The following ACAD9 variants were observed in gnomAD, a reference collection of about 807,000 sequenced individuals.
ACAD9 encodes the protein acyl-CoA dehydrogenase family member 9, also known as complex I assembly factor ACAD9, mitochondrial.
In ACAD9, 53 loss-of-function variants were observed where a neutral mutation model predicts 70.2. That is an observed-to-expected ratio of 0.75 (90% CI 0.61 to 0.95). ACAD9 has a LOEUF of 0.95. ACAD9 is among the 40% of genes least tolerant of loss of function. ACAD9 has a pLI of 0.00. For missense variants in ACAD9, 777 were observed against 802.8 expected, an observed-to-expected ratio of 0.97 and a Z score of 0.39; for synonymous variants, 313 against 312.1, an observed-to-expected ratio of 1.00 and a Z score of -0.03.
chr3:128,911,276 T>TC (rs1280020179), intron 17 of ACAD9, among the ~76,000 whole-genome samples: 1 of 152,184 alleles, frequency 6.6e-6, no homozygotes, highest in African/African-American at 2.4e-5. Context: ...CAGGCTGGTC[T>TC]CCAACTCCTG....
At chr3:128,896,579 T>C in intron 5 of ACAD9, 43 bp downstream of exon 5, 1 of 1,599,566 alleles carries the variant, frequency 6.3e-7, no homozygotes, top group South Asian at 1.1e-5. Flanking sequence ...AGCTGTGATG[T>C]TGCCCAAGAT....
chr3:128,879,925 A>AT (rs1559816041), intron 1 of ACAD9, 84 bp downstream of exon 1: 1 of 1,605,894 alleles, frequency 6.2e-7, no homozygotes, highest in Admixed American at 1.7e-5. Context: ...ACTTTGTGAG[A>AT]TTCCCCAAAC....
At position 128,901,360 on chromosome 3, in the gene ACAD9, A is replaced by C. The variant is rs755634584; in HGVS notation, c.882+11A>C. 1 of 1,614,096 alleles carries C rather than the reference A, an allele frequency of 6.2e-7. No individual in the cohort carries two copies. The highest frequency in any genetic ancestry group is 8.5e-7 in the Non-Finnish European group (1 of 1,179,916). On this transcript the variant is annotated intron_variant, in intron 8 of 17. Transcript: ENST00000308982. ...GGAGATGGGTTTAAGGTGAGTTGCC[A>C]GCCACAGCCCCTTGTACCAGGTAGT...
intron 15 of ACAD9, 162 bp downstream of exon 15, chr3:128,909,583 T>C: frequency 5.3e-6 from 4 of 761,846 alleles, no homozygotes; most frequent in Non-Finnish European, 8.8e-6. Flanking sequence ...TTTGTCAGCC[T>C]GGGGCCCACT....
intron 1 of ACAD9, among the ~76,000 whole-genome samples, chr3:128,883,069 GCTTGTTTTTTTTTTTTTTT>G (rs903871338): frequency 2.2e-5 from 3 of 137,958 alleles, no homozygotes; most frequent in African/African-American, 3.0e-5. Context: ...GGAGCCATCA[GCTTGTTTTTTTTTTTTTTT>G]CTTGTTTTTT....
rs1935443772 is a variant in ACAD9 at position 128,892,303 on chromosome 3, G to A, written c.245-1252G>A. Among the ~76,000 whole-genome samples, 10 of 152,280 alleles carry A rather than the reference G, an allele frequency of 6.6e-5. No homozygotes were observed. The South Asian group carries it at 2.1e-3, about 32-fold the overall frequency. On this transcript the variant is annotated intron_variant, in intron 2 of 17. Transcript: ENST00000308982. ...ATGTATGTCAATAAAGTTGTTAAAG[G>A]ATAAAAAATGAAGGGTTTGGCCTGC...
intron 17 of ACAD9, among the ~76,000 whole-genome samples, chr3:128,911,919 C>T (rs369842382): frequency 2.6e-5 from 4 of 152,228 alleles, no homozygotes; most frequent in African/African-American, 9.6e-5. Context: ...GGGCTTTGCT[C>T]GTGCTCCCCG....
chr3:128,900,710 TG>T (rs1314031547), intron 7 of ACAD9, among the ~76,000 whole-genome samples: 1 of 152,130 alleles, frequency 6.6e-6, no homozygotes, highest in Non-Finnish European at 1.5e-5. Flanking sequence ...GTCAGCTCTT[TG>T]TATTGGCCAC....
In ACAD9 at chr3:128,904,091, A is replaced by C. The variant is rs79530903; in HGVS notation, c.988A>C (p.Lys330Gln). 1,735 of 1,614,238 alleles carry C rather than the reference A, an allele frequency of 1.1e-3. 26 individuals are homozygous for C. In the East Asian group the frequency reaches 0.028, roughly 26 times the overall value. ...EMTAEYACTR[K>Q]QFNKRLSEFG... ...GACTGCTGAGTACGCCTGCACAAGG[A>C]AACAGTTTAACAAGAGGCTCAGTGA... Residue 330 changes from lysine (K) to glutamine (Q), a missense_variant, in exon 10 of 18, where the codon AAA (lysine) becomes CAA (glutamine). Lys to Gln is a moderately conservative substitution (Grantham distance 53). Transcript: ENST00000308982.
rs140366274 is a variant in ACAD9 at position 128,896,416 on chromosome 3, T to C, written c.454-20T>C. 287 of 1,611,124 alleles carry C rather than the reference T, an allele frequency of 1.8e-4. No homozygotes were observed. The African/African-American group carries it at 3.5e-3, about 20-fold the overall frequency. ...CCTTTCTCCCCACAGCTGACATTAG[T>C]CTGTGTCTGTTTTGTTTAGGGGATC... On this transcript the variant is annotated intron_variant, in intron 4 of 17. Coordinates refer to ENST00000308982, the MANE Select transcript of ACAD9 (RefSeq NM_014049.5).
rs755808161 is a variant in ACAD9 at position 128,893,619 on chromosome 3, C to T, written c.309C>T (p.Ser103=). Residue 103 remains serine (S), a synonymous_variant, in exon 3 of 18, where the codon AGC becomes AGT. Coordinates refer to ENST00000308982, the MANE Select transcript of ACAD9 (RefSeq NM_014049.5). ...ATGAAACTTTGGAGAAATTGAAGAG[C>T]CTAGGGCTTTTTGGGCTGCAAGTCC... is the stretch of plus-strand genomic sequence containing the variant. The part of the protein sequence containing the change: ...IPDETLEKLK[S]LGLFGLQVPE... 1.2e-6 allele frequency: 2 copies of T among 1,614,106 alleles called. No homozygotes were observed. The highest frequency in any genetic ancestry group is 1.7e-6 in the Non-Finnish European group (2 of 1,180,002).
At chr3:128,885,669 A>G (rs1485114078) in intron 2 of ACAD9, among the ~76,000 whole-genome samples, 1 of 152,108 alleles carries the variant, frequency 6.6e-6, no homozygotes, top group African/African-American at 2.4e-5. Flanking sequence ...CTGGGATTAC[A>G]GGTGTGAGCC....
chr3:128,908,770 G>A (rs1027845059), intron 13 of ACAD9: 7 of 719,046 alleles, frequency 9.7e-6, no homozygotes, highest in Non-Finnish European at 1.6e-5. Context: ...CCCCTCATGG[G>A]GGAGCATATG....
At chr3:128,899,191 GTC>G in intron 6 of ACAD9, 94 bp from the exon 7 acceptor site, 1 of 1,356,496 alleles carries the variant, frequency 7.4e-7, no homozygotes, top group Non-Finnish European at 1.1e-6. Flanking sequence ...CTGGCCTGAG[GTC>G]TGACTGGCAG....
Position 128,904,422 on chromosome 3 carries a change from A to C in ACAD9, c.1066A>C (p.Met356Leu). 1.2e-6 allele frequency: 2 copies of C among 1,614,240 alleles called. No homozygotes were observed. Among genetic ancestry groups the C allele is most frequent in the Non-Finnish European group, 1.7e-6 (2 of 1,180,052 alleles). Residue 356 changes from methionine (M) to leucine (L), a missense_variant, in exon 11 of 18, where the codon ATG (methionine) becomes CTG (leucine). Physicochemically the swap from Met to Leu is conservative, Grantham distance 15. Coordinates refer to ENST00000308982, the MANE Select transcript of ACAD9 (RefSeq NM_014049.5). ...ACTGATGGCTCAGAAGGCTTACGTCATGGAGAGTATGACCTACCTCACAGC... is the reference window on the plus strand; with the variant it reads ...ACTGATGGCTCAGAAGGCTTACGTCCTGGAGAGTATGACCTACCTCACAGC... ...FALMAQKAYVMESMTYLTAGM... is the reference protein window; with the variant it reads ...FALMAQKAYVLESMTYLTAGM...
intron 1 of ACAD9, among the ~76,000 whole-genome samples, chr3:128,881,170 A>G (rs796376678): frequency 6.6e-6 from 1 of 152,230 alleles, no homozygotes. Context: ...GTGCGGAGCT[A>G]TGTCTTGAAC....
chr3:128,882,522 C>T (rs1202125001), intron 1 of ACAD9, among the ~76,000 whole-genome samples: 1 of 152,188 alleles, frequency 6.6e-6, no homozygotes, highest in Non-Finnish European at 1.5e-5. Flanking sequence ...GGGATTAGAG[C>T]AGAAACATGG....
intron 1 of ACAD9, among the ~76,000 whole-genome samples, chr3:128,880,766 A>C (rs962077012): frequency 1.3e-5 from 2 of 152,190 alleles, no homozygotes; most frequent in Non-Finnish European, 2.9e-5. Flanking sequence ...CCAGTGAGAT[A>C]AACGGTGCAT....
At chr3:128,897,321 A>G (rs1014667858) in intron 5 of ACAD9, among the ~76,000 whole-genome samples, 49 of 152,256 alleles carry the variant, frequency 3.2e-4, no homozygotes, top group African/African-American at 1.1e-3. Flanking sequence ...AGCTGGGACT[A>G]CAGGCATGCC....
Sources: gnomAD v4.1 joint callset for allele counts (sites outside exome capture counted in the v4.1 genomes callset) on GRCh38, gnomAD v4.1.1 for gene constraint, MANE v1.5 for transcripts, NCBI Gene and HGNC (gene_info 2026-07-23, HGNC 2026-07-21) for gene names.